GPSM2: variants seen among roughly 807,000 people sequenced by gnomAD.
GPSM2 encodes G protein signaling modulator 2, also known as G protein-signaling modulator 2.
Under a neutral mutation model 78.4 loss-of-function variants are expected in GPSM2, and 58 were observed. That is an observed-to-expected ratio of 0.74 (90% CI 0.60 to 0.92). The LOEUF (loss-of-function observed/expected upper bound fraction) is 0.92, where lower values mean the gene tolerates loss of function less well. GPSM2 is among the 40% of genes least tolerant of loss of function. The pLI, the probability that GPSM2 is intolerant of heterozygous loss-of-function variation, is 0.00. For missense variants in GPSM2, 700 were observed against 815.5 expected (o/e 0.86, Z 1.73); for synonymous variants, 224 against 280.2 (o/e 0.80, Z 2.00).
At position 108,923,995 on chromosome 1, in the gene GPSM2, C is replaced by T. The variant is rs1337008831; in HGVS notation, c.1601-5C>T. The T allele has an allele frequency of 1.3e-6, 2 of 1,578,940 alleles. No individual in the cohort carries two copies. Among genetic ancestry groups the T allele is most frequent in the Non-Finnish European group, 1.7e-6 (2 of 1,148,202 alleles). On this transcript the variant is annotated splice_region_variant and splice_polypyrimidine_tract_variant and intron_variant, in intron 13 of 14. Transcript: ENST00000264126. ...TAATCTTTGGCTTTCTTCTTCTGTT[C>T]TTAGCATCATCTGTTCCTGTGGTAT...
intron 7 of GPSM2, among the ~76,000 whole-genome samples, chr1:108,900,671 A>G (rs372915091): frequency 7.2e-4 from 110 of 152,330 alleles, no homozygotes; most frequent in African/African-American, 2.5e-3. Context: ...TCATTTACAA[A>G]TCAACTGTAC....
At chr1:108,914,472 AT>A in intron 11 of GPSM2, 64 bp downstream of exon 11, 1 of 1,123,516 alleles carries the variant, frequency 8.9e-7, no homozygotes, top group Non-Finnish European at 1.3e-6. Context: ...GTAATTTTTA[AT>A]TTAATGAAAT....
chr1:108,929,122 A>G (rs1570972640), intron 14 of GPSM2, among the ~76,000 whole-genome samples: 1 of 152,284 alleles, frequency 6.6e-6, no homozygotes, highest in East Asian at 1.9e-4. Flanking sequence ...TATGGTATCT[A>G]TTGCAACTGC....
chr1:108,919,427 T>C (rs1356748760), intron 12 of GPSM2, among the ~76,000 whole-genome samples: 1 of 152,242 alleles, frequency 6.6e-6, no homozygotes, highest in African/African-American at 2.4e-5. Flanking sequence ...TAAATTCAGA[T>C]GCTCAAGGAT....
chr1:108,902,068 T>G lies in GPSM2; in HGVS notation c.953+123T>G, dbSNP rs533219906. On this transcript the variant is annotated intron_variant, in intron 8 of 14. Coordinates refer to ENST00000264126, the MANE Select transcript of GPSM2 (RefSeq NM_013296.5). ...AAAATCCCTTTTAAGGAATTTTCTT[T>G]CAGTGATATCCTCTGTATATCATTG... 5.7e-5 allele frequency: 40 copies of G among 702,726 alleles called. No individual in the cohort carries two copies. The South Asian group carries it at 6.5e-4, about 11-fold the overall frequency. The allele number at this position is 702,726 out of a possible 1,614,324, so 43.5% of individuals were successfully genotyped here.
At position 108,900,820 on chromosome 1, in the gene GPSM2, A is replaced by G. The variant is rs547482085; in HGVS notation, c.798-970A>G. Among the ~76,000 whole-genome samples the G allele has an allele frequency of 2.0e-5, 3 of 152,348 alleles. No homozygotes were observed. In the East Asian group the frequency reaches 5.8e-4, roughly 29 times the overall value. ...CTCCCAAGGTGACAGATTTGAAGGT[A>G]TCATCATTAAATATGTAACTTTAGA... On this transcript the variant is annotated intron_variant, in intron 7 of 14. Transcript: ENST00000264126.
At chr1:108,922,880 A>G (rs1232168292) in intron 13 of GPSM2, among the ~76,000 whole-genome samples, 2 of 152,102 alleles carry the variant, frequency 1.3e-5, no homozygotes, top group Non-Finnish European at 2.9e-5. Flanking sequence ...CTGTAATCTC[A>G]GCTACTTGGG....
intron 12 of GPSM2, among the ~76,000 whole-genome samples, chr1:108,920,513 C>G (rs375198562): frequency 2.0e-5 from 3 of 151,292 alleles, no homozygotes; most frequent in Non-Finnish European, 4.4e-5. Context: ...GCAATGAGAG[C>G]CTTTGCAAAA....
intron 7 of GPSM2, 114 bp from the exon 8 acceptor site, chr1:108,901,676 A>G (rs10494102): frequency 0.046 from 37,887 of 820,384 alleles, 1,125 homozygotes; most frequent in Admixed American, 0.086. Context: ...TTAGGCTCTC[A>G]GAGATTTAAA....
intron 7 of GPSM2, among the ~76,000 whole-genome samples, chr1:108,900,548 T>C (rs1176840782): frequency 6.6e-6 from 1 of 152,170 alleles, no homozygotes; most frequent in Non-Finnish European, 1.5e-5. Context: ...CTGGAATTGT[T>C]ATCAGGGCCA....
intron 11 of GPSM2, among the ~76,000 whole-genome samples, chr1:108,916,696 T>C (rs2101516787): frequency 6.6e-6 from 1 of 152,366 alleles, no homozygotes; most frequent in South Asian, 2.1e-4. Context: ...GATTCAACCT[T>C]GTAATTCTCC....
chr1:108,884,488 CAG>C lies in GPSM2; in HGVS notation c.-248-785_-248-784del, dbSNP rs371337130. Among the ~76,000 whole-genome samples the C allele has an allele frequency of 1.7e-3, 264 of 152,272 alleles. 1 individual carries two copies. The highest frequency in any genetic ancestry group is 5.9e-3 in the African/African-American group (247 of 41,562). On this transcript the variant is annotated intron_variant, in intron 1 of 14. Transcript: ENST00000264126. ...TATGCACAACAATTGAGAAAAATCTCAGAAACAACGTTCAGCAAAATCATATA... is the reference window on the plus strand; with the variant it reads ...TATGCACAACAATTGAGAAAAATCTCAAACAACGTTCAGCAAAATCATATA...
Position 108,885,644 on chromosome 1 carries a change from G to T in GPSM2, c.56+66G>T. 3 of 934,796 alleles carry T rather than the reference G, an allele frequency of 3.2e-6. No homozygotes were observed. The South Asian group carries it at 4.0e-5, about 12-fold the overall frequency. 57.9% of individuals were successfully genotyped at this position (934,796 alleles called of 1,614,324 possible). ...ATTTTAAAGTGTTTTTAACTCTGAT[G>T]ACCATTTCAAGTTTCAGTTGAAAAT... On this transcript the variant is annotated intron_variant, in intron 2 of 14. Coordinates refer to ENST00000264126, the MANE Select transcript of GPSM2 (RefSeq NM_013296.5).
chr1:108,905,511 C>T (rs935511788), intron 10 of GPSM2, among the ~76,000 whole-genome samples: 20 of 152,104 alleles, frequency 1.3e-4, no homozygotes, highest in African/African-American at 4.8e-4. Flanking sequence ...CCAATCATTC[C>T]CTTCTGAGAA....
intron 10 of GPSM2, among the ~76,000 whole-genome samples, chr1:108,906,183 C>T (rs1261768101): frequency 6.6e-6 from 1 of 152,154 alleles, no homozygotes; most frequent in East Asian, 1.9e-4. Flanking sequence ...ATTCACTCAA[C>T]TAATCAGGCC....
In GPSM2 at chr1:108,929,954, AT is replaced by A. The variant is rs768946326; in HGVS notation, c.*22del. 19 of 1,608,706 alleles carry A rather than the reference AT, an allele frequency of 1.2e-5. No individual in the cohort carries two copies. Among genetic ancestry groups the A allele is most frequent in the East Asian group, 2.2e-5 (1 of 44,818 alleles). On this transcript the variant is annotated 3_prime_UTR_variant, in exon 15 of 15. Transcript: ENST00000264126. ...GCAGACCATTAGTTACTATGGATTT[AT>A]TTTTTTTCCTTTCAAACACGGTAAG...
rs148702329 is a variant in GPSM2 at position 108,915,968 on chromosome 1, G to A, written c.1263+1560G>A. Among the ~76,000 whole-genome samples, 1,483 of 151,404 alleles carry A rather than the reference G, an allele frequency of 9.8e-3. 23 individuals carry two copies. The highest frequency in any genetic ancestry group is 0.034 in the African/African-American group (1,415 of 41,242). On this transcript the variant is annotated intron_variant, in intron 11 of 14. Coordinates refer to ENST00000264126, the MANE Select transcript of GPSM2 (RefSeq NM_013296.5). ...ATCAAGAACATCTTTCCAGCTGGACGCAGTGGCTCATGCCTGTAATCCCAG... is the reference window on the plus strand; with the variant it reads ...ATCAAGAACATCTTTCCAGCTGGACACAGTGGCTCATGCCTGTAATCCCAG...
intron 14 of GPSM2, chr1:108,926,955 G>C (rs1011083014): frequency 6.6e-6 from 1 of 152,258 alleles, no homozygotes; most frequent in East Asian, 1.9e-4. Flanking sequence ...TAATCAACAA[G>C]TTCAACAAAG....
chr1:108,922,274 G>T, intron 12 of GPSM2, 143 bp from the exon 13 acceptor site: 1 of 642,150 alleles, frequency 1.6e-6, no homozygotes, highest in Non-Finnish European at 2.8e-6. Flanking sequence ...ACCAATATTT[G>T]CCATCTTGTA....
Sources: gnomAD v4.1 joint callset for allele counts (sites outside exome capture counted in the v4.1 genomes callset) on GRCh38, gnomAD v4.1.1 for gene constraint, MANE v1.5 for transcripts, NCBI Gene and HGNC (gene_info 2026-07-23, HGNC 2026-07-21) for gene names.